The following TBC1D14 variants were observed in gnomAD, a reference collection of about 807,000 sequenced individuals.
TBC1D14 encodes TBC1 domain family member 14.
Under a neutral mutation model 79.0 loss-of-function variants are expected in TBC1D14, and 26 were observed. That is an observed-to-expected ratio of 0.33 (90% CI 0.24 to 0.46). The LOEUF (loss-of-function observed/expected upper bound fraction) is 0.46, where lower values mean the gene tolerates loss of function less well. Ranked by LOEUF, TBC1D14 falls within the 20% of genes least tolerant of loss-of-function variation. The probability of loss-of-function intolerance (pLI) is 1.00; values close to 1 mark genes in which losing one functional copy is unlikely to be tolerated. For missense variants in TBC1D14, 769 were observed against 887.6 expected, an observed-to-expected ratio of 0.87 and a Z score of 1.70; for synonymous variants, 394 against 349.9, an observed-to-expected ratio of 1.13 and a Z score of -1.40.
At position 6,925,615 on chromosome 4, in the gene TBC1D14, G is replaced by C. The variant is rs555951959; in HGVS notation, c.722+1504G>C. On this transcript the variant is annotated intron_variant, in intron 2 of 13. Transcript: ENST00000409757. The stretch of plus-strand genomic sequence containing the variant: ...GGTTTTGTCGGGAAACTTTCTTCTC[G>C]AATGTGCTGACAGATAGGTATCTTG... Among the ~76,000 whole-genome samples the C allele has an allele frequency of 4.8e-4, 73 of 152,288 alleles. 1 individual carries two copies. The highest frequency in any genetic ancestry group is 3.4e-3 in the Middle Eastern group (1 of 294).
rs151269474 is a variant in TBC1D14 at position 7,013,679 on chromosome 4, C to G, written c.1648-769C>G. Among the ~76,000 whole-genome samples the G allele has an allele frequency of 1.7e-3, 255 of 151,952 alleles. 1 individual carries two copies. The highest frequency in any genetic ancestry group is 3.4e-3 in the Middle Eastern group (1 of 294). ...GGAGGGGTGCTGCCGTTGACTCAGA[C>G]ATGAGTCGTGTAGCCCCCTGGAAGT... On this transcript the variant is annotated intron_variant, in intron 11 of 13. Transcript: ENST00000409757.
At chr4:6,985,155 C>A (rs1027619234) in intron 3 of TBC1D14, among the ~76,000 whole-genome samples, 1 of 152,180 alleles carries the variant, frequency 6.6e-6, no homozygotes, top group African/African-American at 2.4e-5. Context: ...CTGCTAAATA[C>A]TTCAGCACAC....
chr4:6,913,409 C>T (rs1171231867), intron 1 of TBC1D14, among the ~76,000 whole-genome samples: 1 of 152,200 alleles, frequency 6.6e-6, no homozygotes, highest in Non-Finnish European at 1.5e-5. Flanking sequence ...ACCTTTTGGG[C>T]AACATTAAGG....
At chr4:7,024,863 G>T (rs1332663256) in intron 12 of TBC1D14, 141 bp from the exon 13 acceptor site, 3 of 1,048,472 alleles carry the variant, frequency 2.9e-6, no homozygotes, top group Non-Finnish European at 2.8e-6. Context: ...CCTTCAGTGT[G>T]AGTGCAGGCC....
At chr4:6,974,612 A>G (rs1379325999) in intron 3 of TBC1D14, among the ~76,000 whole-genome samples, 1 of 152,142 alleles carries the variant, frequency 6.6e-6, no homozygotes, top group Non-Finnish European at 1.5e-5. Context: ...AAGCGCTTCA[A>G]AGGCTTTGAA....
At chr4:6,968,049 C>T (rs928302521) in intron 3 of TBC1D14, among the ~76,000 whole-genome samples, 2 of 152,228 alleles carry the variant, frequency 1.3e-5, no homozygotes, top group African/African-American at 4.8e-5. Flanking sequence ...ACCGTCGCTG[C>T]CTGCAGCTTC....
chr4:7,024,859 G>T, intron 12 of TBC1D14, 145 bp from the exon 13 acceptor site: 7 of 1,012,038 alleles, frequency 6.9e-6, no homozygotes, highest in Non-Finnish European at 1.0e-5. Flanking sequence ...TTACCCTTCA[G>T]TGTGAGTGCA....
chr4:6,957,849 G>T (rs1306813147), intron 2 of TBC1D14, among the ~76,000 whole-genome samples: 5 of 152,114 alleles, frequency 3.3e-5, no homozygotes, highest in Non-Finnish European at 7.4e-5. Context: ...GCTGCAGTGA[G>T]CTGTGTTCAC....
intron 2 of TBC1D14, among the ~76,000 whole-genome samples, chr4:6,954,799 T>G (rs1714474177): frequency 6.6e-6 from 1 of 152,250 alleles, no homozygotes; most frequent in Non-Finnish European, 1.5e-5. Flanking sequence ...GAGATGGGGT[T>G]TTGCCATGTT....
intron 4 of TBC1D14, 86 bp downstream of exon 4, chr4:6,994,388 G>C (rs1315823873): frequency 2.4e-6 from 3 of 1,251,030 alleles, no homozygotes; most frequent in Non-Finnish European, 3.5e-6. Context: ...AGAAAAACTA[G>C]GGTCAGAAAA....
chr4:7,022,786 C>T (rs1025751115), intron 12 of TBC1D14, among the ~76,000 whole-genome samples: 6 of 151,838 alleles, frequency 4.0e-5, no homozygotes, highest in African/African-American at 1.2e-4. Context: ...TCTAGAGTAA[C>T]TTATGGAGAC....
chr4:6,931,616 G>A (rs574563892), intron 2 of TBC1D14, among the ~76,000 whole-genome samples: 6 of 152,206 alleles, frequency 3.9e-5, no homozygotes, highest in Non-Finnish European at 8.8e-5. Flanking sequence ...CGTTCAGAAA[G>A]AACAGCTGTG....
intron 1 of TBC1D14, among the ~76,000 whole-genome samples, chr4:6,919,833 C>A (rs535922300): frequency 1.7e-4 from 26 of 151,838 alleles, no homozygotes; most frequent in South Asian, 1.0e-3. Flanking sequence ...GTTGGTCAGG[C>A]TGGTCTCAAA....
intron 2 of TBC1D14, among the ~76,000 whole-genome samples, chr4:6,931,134 C>T (rs1486308471): frequency 6.6e-6 from 1 of 152,090 alleles, no homozygotes; most frequent in African/African-American, 2.4e-5. Flanking sequence ...CTTCTGACTT[C>T]GTGATCTGCC....
chr4:6,963,440 C>A (rs1319723090), intron 2 of TBC1D14, among the ~76,000 whole-genome samples: 1 of 152,246 alleles, frequency 6.6e-6, no homozygotes, highest in Non-Finnish European at 1.5e-5. Context: ...AGGGACAGAG[C>A]AGATGGGCTC....
chr4:6,993,234 G>A (rs1202237531), intron 3 of TBC1D14, among the ~76,000 whole-genome samples: 2 of 152,204 alleles, frequency 1.3e-5, no homozygotes, highest in Non-Finnish European at 2.9e-5. Flanking sequence ...AGCCTTGTCT[G>A]TAATATTTCC....
At chr4:7,021,605 GAA>G (rs1015300735) in intron 12 of TBC1D14, among the ~76,000 whole-genome samples, 2 of 151,796 alleles carry the variant, frequency 1.3e-5, no homozygotes, top group African/African-American at 4.8e-5. Context: ...TTAACAAAAA[GAA>G]AAGAGAAGAA....
intron 3 of TBC1D14, among the ~76,000 whole-genome samples, chr4:6,976,060 T>TC (rs1320133024): frequency 1.2e-4 from 19 of 152,232 alleles, no homozygotes; most frequent in Admixed American, 1.0e-3. Flanking sequence ...GCCACTGCAC[T>TC]CCATTCTGGG....
At chr4:6,924,418 C>T (rs1724118726) in intron 2 of TBC1D14, among the ~76,000 whole-genome samples, 1 of 152,206 alleles carries the variant, frequency 6.6e-6, no homozygotes, top group Non-Finnish European at 1.5e-5. Context: ...CTGCGGGGCC[C>T]TGTGCACTCA....
Sources: gnomAD v4.1 joint callset for allele counts (sites outside exome capture counted in the v4.1 genomes callset) on GRCh38, gnomAD v4.1.1 for gene constraint, MANE v1.5 for transcripts, NCBI Gene and HGNC (gene_info 2026-07-23, HGNC 2026-07-21) for gene names.